Variants in INPP5B observed in about 807,000 individuals in gnomAD.
INPP5B encodes type II inositol 1,4,5-trisphosphate 5-phosphatase.
INPP5B carries 90 observed loss-of-function variants against 118.5 expected under a neutral mutation model. The observed-to-expected ratio is 0.76, with a 90% CI of 0.64 to 0.90. The LOEUF (loss-of-function observed/expected upper bound fraction) is 0.90, where lower values mean the gene tolerates loss of function less well. Ranked by LOEUF, INPP5B falls within the 40% of genes least tolerant of loss-of-function variation. The probability of loss-of-function intolerance (pLI) is 0.00; values close to 1 mark genes in which losing one functional copy is unlikely to be tolerated. For synonymous variants in INPP5B, 385 were observed against 418.9 expected, an observed-to-expected ratio of 0.92 and a Z score of 0.99; for missense variants, 984 against 1,125.6, an observed-to-expected ratio of 0.87 and a Z score of 1.80.
intron 7 of INPP5B, among the ~76,000 whole-genome samples, chr1:37,919,927 G>A (rs573139428): frequency 2.4e-4 from 37 of 152,254 alleles, no homozygotes; most frequent in African/African-American, 8.9e-4. Flanking sequence ...GGGCAACACA[G>A]CAAGACTACA....
At chr1:37,946,789 TCCC>T (rs1646125065) in intron 1 of INPP5B, among the ~76,000 whole-genome samples, 198 bp downstream of exon 1, 1 of 151,894 alleles carries the variant, frequency 6.6e-6, no homozygotes, top group Non-Finnish European at 1.5e-5. Flanking sequence ...TTCAGGAGGG[TCCC>T]ATTCCTCTTT....
rs1181999736 is a variant in INPP5B at position 37,889,737 on chromosome 1, A to C, written c.630-13T>G. On this transcript the variant is annotated splice_polypyrimidine_tract_variant and intron_variant, in intron 8 of 23. Coordinates refer to ENST00000373024, the MANE Select transcript of INPP5B (RefSeq NM_005540.3). Reference sequence around the variant, plus strand: ...GGATTTATTCTGTCTGGAAAAACAGAAGTATTTTTTTCATATGTGGATGAG... The same window carrying C: ...GGATTTATTCTGTCTGGAAAAACAGCAGTATTTTTTTCATATGTGGATGAG... 6.2e-7 allele frequency: 1 copy of C among 1,600,120 alleles called. No homozygotes were observed. Among genetic ancestry groups the C allele is most frequent in the East Asian group, 2.2e-5 (1 of 44,558 alleles).
chr1:37,867,672 T>TCA (rs1642128581), intron 20 of INPP5B, among the ~76,000 whole-genome samples: 1 of 152,180 alleles, frequency 6.6e-6, no homozygotes, highest in Non-Finnish European at 1.5e-5. Flanking sequence ...AGGATGTTGC[T>TCA]CTGAAGTGGT....
At chr1:37,941,958 A>AAAAAAAAATATATATATAT (rs1427344681) in intron 5 of INPP5B, 3 of 30,384 alleles carry the variant, frequency 9.9e-5, no homozygotes, top group African/African-American at 4.5e-4. Flanking sequence ...AAAAAAAAAA[A>AAAAAAAAATATATATATAT]ATATATATAT....
At chr1:37,877,233 T>C (rs1642895704) in intron 16 of INPP5B, among the ~76,000 whole-genome samples, 1 of 151,390 alleles carries the variant, frequency 6.6e-6, no homozygotes, top group South Asian at 2.1e-4. Context: ...TCCCAGCTAC[T>C]TGGGAGGCTG....
chr1:37,880,784 T>C (rs146368472), intron 14 of INPP5B, among the ~76,000 whole-genome samples: 1,716 of 152,284 alleles, frequency 0.011, 34 homozygotes, highest in African/African-American at 0.039. Flanking sequence ...GGAGTGCCAT[T>C]GTGCGACCAT....
chr1:37,868,611 G>C lies in INPP5B; in HGVS notation c.2191C>G (p.Leu731Val). 6.2e-7 allele frequency: 1 copy of C among 1,601,890 alleles called. No homozygotes were observed. Among genetic ancestry groups the C allele is most frequent in the Non-Finnish European group, 8.6e-7 (1 of 1,168,848 alleles). The change falls in exon 20 of 24, where the codon CTG (leucine) becomes GTG (valine). Residue 731 changes from leucine (L) to valine (V), a missense_variant. Around this residue, in one of 2 missense-constraint regions of INPP5B, gnomAD observed 634 missense variants for 791.0 expected, o/e 0.80. Coordinates refer to ENST00000373024, the MANE Select transcript of INPP5B (RefSeq NM_005540.3). ...LPLETISELT[L>V]MPVWTGDDGS... The stretch of plus-strand genomic sequence containing the variant: ...TCATCTCCAGTCCATACTGGCATCA[G>C]AGTCTGGAAAGCAATCAAGATCATG...
intron 6 of INPP5B, among the ~76,000 whole-genome samples, chr1:37,938,308 T>C (rs1570401358): frequency 9.9e-6 from 1 of 101,518 alleles, no homozygotes; most frequent in East Asian, 3.2e-4. Flanking sequence ...TAAATAAAAT[T>C]AACATTAAAT....
At position 37,891,444 on chromosome 1, in the gene INPP5B, G is replaced by T. The variant is rs1218965590; in HGVS notation, c.543C>A (p.Asn181Lys). The T allele has an allele frequency of 6.2e-7, 1 of 1,611,702 alleles. No individual in the cohort carries two copies. The highest frequency in any genetic ancestry group is 2.2e-5 in the East Asian group (1 of 44,844). Residue 181 changes from asparagine (N) to lysine (K), a missense_variant, in exon 8 of 24, where the codon AAC (asparagine) becomes AAA (lysine). Around this residue, in one of 2 missense-constraint regions of INPP5B, gnomAD observed 350 missense variants for 334.6 expected, o/e 1.05. Transcript: ENST00000373024. ...TCCCATTTGGTCTCAAACCATCAAA[G>T]TTAGAACCACCTAAAGGGAAGGAGA... ...GYATIGGGGS[N>K]FDGLRPNGKG...
At chr1:37,883,381 T>C in intron 13 of INPP5B, 1 of 985,408 alleles carries the variant, frequency 1.0e-6, no homozygotes, top group South Asian at 4.7e-5. Flanking sequence ...GAAACAAAGT[T>C]CAAACTTTAT....
intron 22 of INPP5B, chr1:37,864,802 G>A (rs909774946): frequency 6.3e-6 from 1 of 158,932 alleles, no homozygotes; most frequent in African/African-American, 2.4e-5. Context: ...GTCAATTTTG[G>A]CAGGAGCATA....
rs554694538 is a variant in INPP5B, at chr1:37,886,134, G to A, written c.1132-309C>T. 2.6e-4 allele frequency among the ~76,000 whole-genome samples: 40 copies of A among 151,866 alleles called. No individual in the cohort carries two copies. In the South Asian group the frequency reaches 7.5e-3, roughly 28 times the overall value. The stretch of plus-strand genomic sequence containing the variant: ...AGAGGTTGCAGTGAGCTGAGATCAC[G>A]CCACTGCACTCCAGCCTGGGAGACA... On this transcript the variant is annotated intron_variant, in intron 12 of 23. Coordinates refer to ENST00000373024, the MANE Select transcript of INPP5B (RefSeq NM_005540.3).
Position 37,862,098 on chromosome 1 carries a change from G to T in INPP5B, c.*217C>A. ...AAATAACTAAAGTTGAAAATTGAATGTCAGTTTTATTATGGTGGATTTTCT... is the reference window on the plus strand; with the variant it reads ...AAATAACTAAAGTTGAAAATTGAATTTCAGTTTTATTATGGTGGATTTTCT... On this transcript the variant is annotated 3_prime_UTR_variant, in exon 24 of 24. Coordinates refer to ENST00000373024, the MANE Select transcript of INPP5B (RefSeq NM_005540.3). The T allele has an allele frequency of 2.2e-6, 1 of 457,532 alleles. No individual in the cohort carries two copies. Among genetic ancestry groups the T allele is most frequent in the Non-Finnish European group, 3.9e-6 (1 of 258,614 alleles). 28.3% of individuals were successfully genotyped at this position (457,532 alleles called of 1,614,324 possible).
intron 6 of INPP5B, among the ~76,000 whole-genome samples, chr1:37,933,838 T>TC (rs1332437232): frequency 6.6e-6 from 1 of 151,176 alleles, no homozygotes; most frequent in Non-Finnish European, 1.5e-5. Flanking sequence ...ATCTCTGAAC[T>TC]CCGAGGGCTT....
At position 37,888,264 on chromosome 1, in the gene INPP5B, G is replaced by T; in HGVS notation, c.878C>A (p.Ala293Asp). 1.3e-6 allele frequency: 2 copies of T among 1,578,348 alleles called. No individual in the cohort carries two copies. Among genetic ancestry groups the T allele is most frequent in the Non-Finnish European group, 1.7e-6 (2 of 1,162,090 alleles). The change falls in exon 10 of 24, where the codon GCC (alanine) becomes GAC (aspartate). Residue 293 changes from alanine to aspartate, a missense_variant. Physicochemically the swap from Ala to Asp is moderately radical, Grantham distance 126. Coordinates refer to ENST00000373024, the MANE Select transcript of INPP5B (RefSeq NM_005540.3). ...TCACCCTACACAATAGACATCTGGG[G>T]CCTGGATACCATTGCTCAGCCACAG... ...LRLWLSNGIQ[A>D]PDVYCVGFQE...
chr1:37,927,413 A>G (rs1260637641), intron 7 of INPP5B, among the ~76,000 whole-genome samples: 1 of 152,204 alleles, frequency 6.6e-6, no homozygotes, highest in East Asian at 1.9e-4. Context: ...TCACGTGAAC[A>G]AGCTGCCACT....
intron 5 of INPP5B, among the ~76,000 whole-genome samples, chr1:37,942,458 TTGGTGTA>T (rs1183969268): frequency 7.2e-5 from 11 of 151,814 alleles, no homozygotes; most frequent in African/African-American, 2.7e-4. Context: ...AAAGCGTGAT[TTGGTGTA>T]TGTAAAACTT....
At chr1:37,946,394 G>T in intron 1 of INPP5B, 60 bp from the exon 2 acceptor site, 1 of 1,338,442 alleles carries the variant, frequency 7.5e-7, no homozygotes, top group Non-Finnish European at 1.0e-6. Context: ...GGGTGGTGGA[G>T]CTGCCTCAGA....
At chr1:37,917,145 T>G (rs1378279255) in intron 7 of INPP5B, among the ~76,000 whole-genome samples, 1 of 148,720 alleles carries the variant, frequency 6.7e-6, no homozygotes, top group African/African-American at 2.5e-5. Flanking sequence ...AAAAATTAGC[T>G]GGGCATGGTG....
Sources: gnomAD v4.1 joint callset for allele counts (sites outside exome capture counted in the v4.1 genomes callset) on GRCh38, gnomAD v4.1.1 for gene constraint, gnomAD v4.1.1 regional missense constraint, MANE v1.5 for transcripts, NCBI Gene and HGNC (gene_info 2026-07-23, HGNC 2026-07-21) for gene names.